Variants in FREM1 observed in about 807,000 individuals in gnomAD.
The protein encoded by FREM1 is FRAS1-related extracellular matrix protein 1.
In FREM1, 220 loss-of-function variants were observed where a neutral mutation model predicts 210.1. The ratio of observed to expected loss-of-function variants is 1.05; its 90% confidence interval spans 0.94 to 1.17. The LOEUF (loss-of-function observed/expected upper bound fraction) is 1.17. Among genes scored for constraint, FREM1 ranks in the 50% most tolerant of loss-of-function variants. The pLI, the probability that FREM1 is intolerant of heterozygous loss-of-function variation, is 0.00. For missense variants in FREM1, 3,454 were observed against 2,675.5 expected, an observed-to-expected ratio of 1.29 and a Z score of -6.42; for synonymous variants, 1,189 against 980.2, an observed-to-expected ratio of 1.21 and a Z score of -3.98.
intron 1 of FREM1, among the ~76,000 whole-genome samples, chr9:14,873,925 A>G (rs1203270477): frequency 1.3e-5 from 2 of 151,642 alleles, no homozygotes; most frequent in African/African-American, 2.4e-5. Flanking sequence ...TTCGTTATGT[A>G]CCCAGTAGTC....
At chr9:14,802,093 G>A (rs1188242360) in intron 19 of FREM1, among the ~76,000 whole-genome samples, 2 of 152,076 alleles carry the variant, frequency 1.3e-5, no homozygotes, top group Admixed American at 6.5e-5. Context: ...AGATTTCAAA[G>A]CACTTTATTC....
In FREM1 at chr9:14,828,499, C is replaced by A. The variant is rs112647697; in HGVS notation, c.1882-3507G>T. On this transcript the variant is annotated intron_variant, in intron 10 of 36. Transcript: ENST00000380880. ...AACTGTACCTAAAGTCTCACCCATACCTGATTTAGTACATAAATATGTACT... is the reference window on the plus strand; with the variant it reads ...AACTGTACCTAAAGTCTCACCCATAACTGATTTAGTACATAAATATGTACT... Among the ~76,000 whole-genome samples, 676 of 152,014 alleles carry A rather than the reference C, an allele frequency of 4.4e-3. 4 individuals are homozygous for A. The highest frequency in any genetic ancestry group is 7.2e-3 in the Non-Finnish European group (488 of 67,984).
intron 16 of FREM1, among the ~76,000 whole-genome samples, chr9:14,812,045 T>C (rs999054294): frequency 8.5e-5 from 13 of 152,178 alleles, no homozygotes; most frequent in African/African-American, 3.1e-4. Flanking sequence ...GATGATGTGA[T>C]GATGTGCAGT....
chr9:14,798,006 T>C (rs1414139228), intron 20 of FREM1, among the ~76,000 whole-genome samples: 1 of 152,178 alleles, frequency 6.6e-6, no homozygotes, highest in Non-Finnish European at 1.5e-5. Context: ...TCAAAATGAA[T>C]TCTTAATAGG....
At position 14,758,761 on chromosome 9, in the gene FREM1, G is replaced by A. The variant is rs531286405; in HGVS notation, c.5334+1011C>T. On this transcript the variant is annotated intron_variant, in intron 28 of 36. Coordinates refer to ENST00000380880, the MANE Select transcript of FREM1 (RefSeq NM_001379081.2). ...TTTCATGCTCTCATTCTCTTGAAGCGCTCTTGTTATAACGACTCCTAAAAA... is the reference window on the plus strand; with the variant it reads ...TTTCATGCTCTCATTCTCTTGAAGCACTCTTGTTATAACGACTCCTAAAAA... Among the ~76,000 whole-genome samples the A allele has an allele frequency of 9.2e-5, 14 of 152,136 alleles. No individual in the cohort carries two copies. The South Asian group carries it at 2.7e-3, about 29-fold the overall frequency.
chr9:14,815,784 A>T (rs902264178), intron 15 of FREM1, among the ~76,000 whole-genome samples: 40 of 152,222 alleles, frequency 2.6e-4, no homozygotes, highest in Non-Finnish European at 4.0e-4. Flanking sequence ...AGTAGCTGGG[A>T]CTACAGGTGC....
intron 2 of FREM1, among the ~76,000 whole-genome samples, chr9:14,866,354 T>C (rs998780922): frequency 6.6e-6 from 1 of 152,124 alleles, no homozygotes; most frequent in Non-Finnish European, 1.5e-5. Context: ...GGCCAAGCAA[T>C]CAGGACCATT....
chr9:14,838,956 T>C (rs1350989899), intron 10 of FREM1, among the ~76,000 whole-genome samples: 3 of 152,166 alleles, frequency 2.0e-5, no homozygotes, highest in Admixed American at 6.5e-5. Flanking sequence ...AGCAAGTCCA[T>C]AGTCTGGAGA....
chr9:14,810,440 T>G (rs988550026), intron 16 of FREM1, among the ~76,000 whole-genome samples: 3 of 152,100 alleles, frequency 2.0e-5, no homozygotes, highest in African/African-American at 7.2e-5. Context: ...AAAATGTTAA[T>G]CATAGTGTTA....
intron 34 of FREM1, 62 bp from the exon 35 acceptor site, chr9:14,746,530 A>G: frequency 7.6e-7 from 1 of 1,307,994 alleles, no homozygotes; most frequent in Non-Finnish European, 1.1e-6. Context: ...TTGGTTCAGC[A>G]TAAGGAGTCC....
chr9:14,809,620 C>T (rs1462388515), intron 16 of FREM1, among the ~76,000 whole-genome samples: 1 of 152,142 alleles, frequency 6.6e-6, no homozygotes, highest in Non-Finnish European at 1.5e-5. Flanking sequence ...AAATAAGAGA[C>T]CTCTCACCTA....
rs775766571 is a variant in FREM1 at position 14,812,908 on chromosome 9, C to T, written c.2797G>A (p.Glu933Lys). 1.5e-5 allele frequency: 25 copies of T among 1,613,856 alleles called. No individual in the cohort carries two copies. The highest frequency in any genetic ancestry group is 1.7e-4 in the Middle Eastern group (1 of 6,058). ...NLKLMFVIAR[E>K]PQHGVVRRAG... Reference sequence around the variant, plus strand: ...CTCCTCACCACCCCATGCTGAGGTTCGCGAGCAATCACAAACATCAACTTC... The same window carrying T: ...CTCCTCACCACCCCATGCTGAGGTTTGCGAGCAATCACAAACATCAACTTC... Residue 933 changes from glutamate to lysine, a missense_variant, in exon 16 of 37, where the codon GAA becomes AAA. Physicochemically the swap from Glu to Lys is moderately conservative, Grantham distance 56 (BLOSUM62 1). Coordinates refer to ENST00000380880, the MANE Select transcript of FREM1 (RefSeq NM_001379081.2).
chr9:14,824,836 A>T lies in FREM1; in HGVS notation c.2038T>A (p.Tyr680Asn). 1 of 1,613,180 alleles carries T rather than the reference A, an allele frequency of 6.2e-7. No individual in the cohort carries two copies. Among genetic ancestry groups the T allele is most frequent in the Non-Finnish European group, 8.5e-7 (1 of 1,179,474 alleles). Residue 680 changes from tyrosine to asparagine, a missense_variant, in exon 11 of 37, where the codon TAC (tyrosine) becomes AAC (asparagine). Transcript: ENST00000380880. ...DSESYDRELV[Y>N]TITTPPFFSF... Reference sequence around the variant, plus strand: ...AAAAATGGAGGAGTAGTTATTGTGTAGACCAGCTCCCTGTCATATGATTCT... The same window carrying T: ...AAAAATGGAGGAGTAGTTATTGTGTTGACCAGCTCCCTGTCATATGATTCT...
chr9:14,846,684 T>C (rs1292798653), intron 7 of FREM1, among the ~76,000 whole-genome samples: 2 of 152,164 alleles, frequency 1.3e-5, no homozygotes, highest in Non-Finnish European at 2.9e-5. Context: ...TTAGTACTAT[T>C]TTTATTTTTA....
intron 15 of FREM1, 106 bp downstream of exon 15, chr9:14,816,672 G>C (rs1820362986): frequency 3.8e-6 from 2 of 527,994 alleles, no homozygotes; most frequent in African/African-American, 3.9e-5. Context: ...AGAGTCATGA[G>C]CCAAATAAAT....
chr9:14,792,907 G>C (rs1312659573), intron 21 of FREM1, 23 bp from the exon 22 acceptor site: 1 of 1,516,498 alleles, frequency 6.6e-7, no homozygotes, highest in Non-Finnish European at 8.9e-7. Context: ...AAATGTCTGG[G>C]TTGATATAAA....
Position 14,776,146 on chromosome 9 carries a change from C to T in FREM1, c.4500G>A (p.Glu1500=), listed in dbSNP as rs561131255. ...TEHGVFEITL[E]TVDRALPVVT... ...CCACAGGCAGGGCTCTGTCCACAGTCTCCAGTGTGATCTCAAACACCCCGT... is the reference window on the plus strand; with the variant it reads ...CCACAGGCAGGGCTCTGTCCACAGTTTCCAGTGTGATCTCAAACACCCCGT... The change falls in exon 25 of 37, where the codon GAG becomes GAA. Residue 1500 remains glutamate, a synonymous_variant. Transcript: ENST00000380880. 19 of 1,564,888 alleles carry T rather than the reference C, an allele frequency of 1.2e-5. No individual in the cohort carries two copies. In the South Asian group the frequency reaches 2.2e-4, roughly 18 times the overall value.
At chr9:14,743,278 C>T (rs889544518) in intron 35 of FREM1, among the ~76,000 whole-genome samples, 7 of 151,984 alleles carry the variant, frequency 4.6e-5, no homozygotes, top group Admixed American at 2.0e-4. Context: ...TTCATAGATA[C>T]GTGAAGAACT....
rs550042958 is a variant in FREM1 at position 14,871,142 on chromosome 9, T to A, written c.-267-1898A>T. On this transcript the variant is annotated intron_variant, in intron 1 of 36. Transcript: ENST00000380880. ...GTGTGCATGTGTCTTTATAGCAGCA[T>A]GATTTATAGTTCTTTGGGTATATAC... 5.3e-5 allele frequency among the ~76,000 whole-genome samples: 8 copies of A among 152,260 alleles called. No individual in the cohort carries two copies. The East Asian group carries it at 1.4e-3, about 26-fold the overall frequency.
Sources: allele counts gnomAD v4.1 joint callset (sites outside exome capture counted in the v4.1 genomes callset), GRCh38; gene constraint gnomAD v4.1.1; transcripts MANE v1.5; gene names NCBI Gene and HGNC (gene_info 2026-07-23, HGNC 2026-07-21).